SNX1: variants seen among roughly 807,000 people sequenced by gnomAD.
SNX1 encodes sorting nexin 1, also known as sorting nexin-1.
A neutral mutation model predicts 71.8 loss-of-function variants in SNX1; 36 were observed. That is an observed-to-expected ratio of 0.50 (90% confidence interval 0.38 to 0.66). SNX1 has a LOEUF of 0.66. Ranked by LOEUF, SNX1 falls within the 30% of genes least tolerant of loss-of-function variation. SNX1 has a pLI of 0.00. For missense variants in SNX1, 612 were observed against 646.7 expected (o/e 0.95, Z 0.58); for synonymous variants, 254 against 240.7 (o/e 1.06, Z -0.51).
intron 2 of SNX1, among the ~76,000 whole-genome samples, chr15:64,116,908 G>A (rs72755084): frequency 0.045 from 6,917 of 152,242 alleles, 200 homozygotes; most frequent in South Asian, 0.085. Context: ...GATAGACAAA[G>A]GCAGCCCTTA....
At position 64,127,213 on chromosome 15, in the gene SNX1, C is replaced by A. The variant is rs1354368914; in HGVS notation, c.692C>A (p.Ser231Tyr). The change falls in exon 7 of 15, where the codon TCT becomes TAT. Residue 231 changes from serine to tyrosine, a missense_variant. Ser to Tyr is a moderately radical substitution (Grantham distance 144). Around this residue, in one of 2 missense-constraint regions of SNX1, gnomAD observed 316 missense variants for 284.9 expected, o/e 1.11. Transcript: ENST00000559844. ...AAAGTTGGGAAGGAAGATTCTTCTT[C>A]TGCAGAATTTCTTGAAAAACGGAGG... is the stretch of plus-strand genomic sequence containing the variant. ...KVKVGKEDSS[S>Y]AEFLEKRRAA... The A allele has an allele frequency of 1.9e-6, 3 of 1,613,798 alleles. No homozygotes were observed. Among genetic ancestry groups the A allele is most frequent in the Admixed American group, 3.3e-5 (2 of 59,906 alleles).
chr15:64,126,991 A>G (rs1268132503), intron 6 of SNX1, among the ~76,000 whole-genome samples, 183 bp from the exon 7 acceptor site: 1 of 152,144 alleles, frequency 6.6e-6, no homozygotes, highest in Non-Finnish European at 1.5e-5. Flanking sequence ...GCACTTAGAG[A>G]CTAGTTTTCA....
chr15:64,110,138 T>C (rs1326693811), intron 1 of SNX1, among the ~76,000 whole-genome samples: 1 of 152,134 alleles, frequency 6.6e-6, no homozygotes, highest in African/African-American at 2.4e-5. Flanking sequence ...TTTAATGACA[T>C]GAGAAAATGC....
intron 2 of SNX1, among the ~76,000 whole-genome samples, chr15:64,113,387 G>A (rs1021110375): frequency 6.6e-6 from 1 of 152,198 alleles, no homozygotes; most frequent in African/African-American, 2.4e-5. Context: ...GGTTGTCACA[G>A]CTGGTGGTAG....
intron 1 of SNX1, among the ~76,000 whole-genome samples, chr15:64,099,334 C>T (rs2140127692): frequency 6.6e-6 from 1 of 152,274 alleles, no homozygotes; most frequent in Admixed American, 6.5e-5. Flanking sequence ...GATGTTCCCT[C>T]CATAATAAAC....
chr15:64,117,168 C>T (rs1227030726), intron 2 of SNX1, among the ~76,000 whole-genome samples: 1 of 152,202 alleles, frequency 6.6e-6, no homozygotes, highest in Non-Finnish European at 1.5e-5. Flanking sequence ...CTGACACTTG[C>T]TTTGACGTCA....
At chr15:64,115,031 A>G (rs1458535708) in intron 2 of SNX1, among the ~76,000 whole-genome samples, 1 of 152,116 alleles carries the variant, frequency 6.6e-6, no homozygotes, top group African/African-American at 2.4e-5. Context: ...CAAATAATGA[A>G]TTGTCTTTGG....
At chr15:64,103,547 C>G (rs575603364) in intron 1 of SNX1, among the ~76,000 whole-genome samples, 11 of 152,224 alleles carry the variant, frequency 7.2e-5, no homozygotes, top group Middle Eastern at 3.4e-3. Flanking sequence ...AATGTTTATA[C>G]TATTGGAATG....
Position 64,127,165 on chromosome 15 carries a change from C to G in SNX1, c.653-9C>G. 6.2e-7 allele frequency: 1 copy of G among 1,600,056 alleles called. No individual in the cohort carries two copies. Among genetic ancestry groups the G allele is most frequent in the Non-Finnish European group, 8.5e-7 (1 of 1,171,240 alleles). The stretch of plus-strand genomic sequence containing the variant: ...TTATGGTTATTTTGCTTTTTAAATT[C>G]CATTCTAGGGATGACAAAAGTGAAA... On this transcript the variant is annotated splice_polypyrimidine_tract_variant and intron_variant, in intron 6 of 14. Coordinates refer to ENST00000559844, the MANE Select transcript of SNX1 (RefSeq NM_003099.5).
chr15:64,127,381 A>G lies in SNX1; in HGVS notation c.731+129A>G, dbSNP rs2081264734. 9.9e-6 allele frequency: 7 copies of G among 706,572 alleles called. No individual in the cohort carries two copies. In the South Asian group the frequency reaches 1.3e-4, roughly 13 times the overall value. The allele number at this position is 706,572 out of a possible 1,614,324, so 43.8% of individuals were successfully genotyped here. On this transcript the variant is annotated intron_variant, in intron 7 of 14. Coordinates refer to ENST00000559844, the MANE Select transcript of SNX1 (RefSeq NM_003099.5). Reference sequence around the variant, plus strand: ...GAATAAATTGAAGTTGCACACCTCCATATTATCTCTTAACTTTTCCTGAGT... The same window carrying G: ...GAATAAATTGAAGTTGCACACCTCCGTATTATCTCTTAACTTTTCCTGAGT...
rs1194854595 is a variant in SNX1, at chr15:64,144,195, A to G, written c.*6577A>G. 4 of 152,252 alleles carry G rather than the reference A, an allele frequency of 2.6e-5. No homozygotes were observed. Among genetic ancestry groups the G allele is most frequent in the African/African-American group, 9.6e-5 (4 of 41,466 alleles). 9.4% of individuals were successfully genotyped at this position (152,252 alleles called of 1,614,324 possible). ...ATTTGTATGTATTATCGTTAAAATA[A>G]GAAAAATCAAATAAAGCTATTTTCA... On this transcript the variant is annotated 3_prime_UTR_variant, in exon 15 of 15. Transcript: ENST00000559844. This position sits in a 1 kb window ranked among gnomAD's most constrained non-coding sequence, Gnocchi z 4.3.
chr15:64,120,551 T>G (rs2081186694), intron 4 of SNX1, among the ~76,000 whole-genome samples: 1 of 152,058 alleles, frequency 6.6e-6, no homozygotes, highest in Non-Finnish European at 1.5e-5. Context: ...GTGGCTTACA[T>G]GTGTAATCCC....
rs553720147 is a variant in SNX1, at chr15:64,136,553, G to T, written c.1446+143G>T. On this transcript the variant is annotated intron_variant, in intron 13 of 14. Transcript: ENST00000559844. ...GAGCAGGCGTGGCCTTCTTTGGGGG[G>T]GTGTGTGCTTGATCCTAGGAACAGT... The T allele has an allele frequency of 2.3e-4, 165 of 721,848 alleles. No homozygotes were observed. In the Middle Eastern group the frequency reaches 2.6e-3, roughly 11 times the overall value. 44.7% of individuals were successfully genotyped at this position (721,848 alleles called of 1,614,324 possible). A position where few individuals can be genotyped will look rare whatever the true frequency, so the allele number is the denominator to read the frequency against.
intron 5 of SNX1, among the ~76,000 whole-genome samples, chr15:64,124,663 T>C (rs938210816): frequency 6.6e-6 from 1 of 152,172 alleles, no homozygotes. Flanking sequence ...GCTGTCAACA[T>C]GTTTCTGGTT....
Position 64,140,218 on chromosome 15 carries a change from A to G in SNX1, c.*2600A>G, listed in dbSNP as rs1463345412. ...TCATGATTGACCAACATGATTTCCTAACTCCATAATGCCTTCTACATTTAT... is the reference window on the plus strand; with the variant it reads ...TCATGATTGACCAACATGATTTCCTGACTCCATAATGCCTTCTACATTTAT... On this transcript the variant is annotated 3_prime_UTR_variant, in exon 15 of 15. Coordinates refer to ENST00000559844, the MANE Select transcript of SNX1 (RefSeq NM_003099.5). 1 of 152,236 alleles carries G rather than the reference A, an allele frequency of 6.6e-6. No individual in the cohort carries two copies. Among genetic ancestry groups the G allele is most frequent in the Non-Finnish European group, 1.5e-5 (1 of 68,044 alleles). 9.4% of individuals were successfully genotyped at this position (152,236 alleles called of 1,614,324 possible).
At position 64,112,774 on chromosome 15, in the gene SNX1, T is replaced by G. The variant is rs150975623; in HGVS notation, c.271+90T>G. ...AAGTCAAAACCAAAAAAAAAAAAAG[T>G]ATTGGGAACATAACTTTATGTAAAG... On this transcript the variant is annotated intron_variant, in intron 2 of 14. Transcript: ENST00000559844. 973 of 706,256 alleles carry G rather than the reference T, an allele frequency of 1.4e-3. 7 individuals carry two copies. In the African/African-American group the frequency reaches 0.016, roughly 11 times the overall value. 43.7% of individuals were successfully genotyped at this position (706,256 alleles called of 1,614,324 possible).
chr15:64,118,337 A>G, intron 3 of SNX1, 93 bp downstream of exon 3: 1 of 1,343,026 alleles, frequency 7.4e-7, no homozygotes, highest in South Asian at 1.4e-5. Flanking sequence ...CCTTGAGAAA[A>G]TATTTGTTAC....
chr15:64,106,222 T>C lies in SNX1; in HGVS notation c.160-6351T>C, dbSNP rs2081020336. On this transcript the variant is annotated intron_variant, in intron 1 of 14. Transcript: ENST00000559844. The stretch of plus-strand genomic sequence containing the variant: ...ATGCCAAATTTCAGTTCAAGGTTAA[T>C]GAAAATGAAATTATAATAATTTTAT... Among the ~76,000 whole-genome samples the C allele has an allele frequency of 2.6e-5, 4 of 152,180 alleles. No individual in the cohort carries two copies. The South Asian group carries it at 8.3e-4, about 32-fold the overall frequency.
chr15:64,111,594 C>T (rs1435993219), intron 1 of SNX1: 5 of 152,176 alleles, frequency 3.3e-5, no homozygotes, highest in African/African-American at 1.2e-4. Context: ...TGAAATCTGT[C>T]CCCAATATTT....
Sources: allele counts gnomAD v4.1 joint callset (sites outside exome capture counted in the v4.1 genomes callset), GRCh38; gene constraint gnomAD v4.1.1; regional missense constraint gnomAD v4.1.1; non-coding constraint Gnocchi (gnomAD v3.1); transcripts MANE v1.5; gene names NCBI Gene and HGNC (gene_info 2026-07-23, HGNC 2026-07-21).